The following HS6ST3 variants were observed in gnomAD, a reference collection of about 807,000 sequenced individuals.
The protein encoded by HS6ST3 is heparan-sulfate 6-O-sulfotransferase 3.
In HS6ST3, 12 loss-of-function variants were observed where a neutral mutation model predicts 36.7. The observed-to-expected ratio is 0.33, with a 90% CI of 0.21 to 0.53. HS6ST3 has a LOEUF of 0.53. Among genes scored for constraint, HS6ST3 ranks in the 20% least tolerant of loss-of-function variants. The probability of loss-of-function intolerance (pLI) is 0.95; values close to 1 mark genes in which losing one functional copy is unlikely to be tolerated. For synonymous variants in HS6ST3, 240 were observed against 257.5 expected, an observed-to-expected ratio of 0.93 and a Z score of 0.65; for missense variants, 584 against 640.9, an observed-to-expected ratio of 0.91 and a Z score of 0.96.
At chr13:96,452,401 C>T (rs1472559203) in intron 1 of HS6ST3, among the ~76,000 whole-genome samples, 2 of 152,072 alleles carry the variant, frequency 1.3e-5, no homozygotes, top group Non-Finnish European at 2.9e-5. Context: ...AAAAGATTGA[C>T]AAAAATCCAT....
rs749310541 is a variant in HS6ST3, at chr13:96,090,954, C to G, written c.92C>G (p.Thr31Ser). 6.9e-7 allele frequency: 1 copy of G among 1,458,638 alleles called. No homozygotes were observed. The highest frequency in any genetic ancestry group is 2.9e-5 in the East Asian group (1 of 35,082). The allele number at this position is 1,458,638 out of a possible 1,614,324, so 90.4% of individuals were successfully genotyped here. The change falls in exon 1 of 2, where the codon ACC becomes AGC. Residue 31 changes from threonine to serine, a missense_variant. By Grantham distance (58) the Thr-to-Ser change is moderately conservative. Transcript: ENST00000376705. ...IMYQYVSPSC[T>S]SSCTNFGEQP... is the part of the protein sequence containing the mutation. Reference sequence around the variant, plus strand: ...TACCAGTACGTGTCCCCCTCCTGCACCAGCTCCTGCACCAACTTCGGGGAG... The same window carrying G: ...TACCAGTACGTGTCCCCCTCCTGCAGCAGCTCCTGCACCAACTTCGGGGAG...
chr13:96,357,684 T>G (rs2055216752), intron 1 of HS6ST3, among the ~76,000 whole-genome samples: 1 of 152,078 alleles, frequency 6.6e-6, no homozygotes, highest in South Asian at 2.1e-4. Flanking sequence ...CACCTAGGCT[T>G]TCTGAGTAGC....
At chr13:96,341,733 T>C (rs1466473847) in intron 1 of HS6ST3, among the ~76,000 whole-genome samples, 1 of 152,132 alleles carries the variant, frequency 6.6e-6, no homozygotes, top group African/African-American at 2.4e-5. Context: ...AAAACATTTT[T>C]ATAACAAAAC....
intron 1 of HS6ST3, among the ~76,000 whole-genome samples, chr13:96,591,584 A>G (rs890107995): frequency 1.3e-5 from 2 of 152,136 alleles, no homozygotes; most frequent in Admixed American, 6.6e-5. Flanking sequence ...TATCAATTCT[A>G]TCAGTTTTTT....
At chr13:96,375,202 G>A (rs969301654) in intron 1 of HS6ST3, among the ~76,000 whole-genome samples, 1 of 151,924 alleles carries the variant, frequency 6.6e-6, no homozygotes, top group East Asian at 1.9e-4. Context: ...CACCACCCTC[G>A]TAAAGGGTGA....
intron 1 of HS6ST3, among the ~76,000 whole-genome samples, chr13:96,812,817 G>A (rs1878345465): frequency 6.6e-6 from 1 of 152,028 alleles, no homozygotes; most frequent in South Asian, 2.1e-4. Flanking sequence ...CTTTGGTGTT[G>A]GGCCTATCTT....
In HS6ST3 at chr13:96,228,266, A is replaced by G. The variant is rs144158958; in HGVS notation, c.707+136697A>G. On this transcript the variant is annotated intron_variant, in intron 1 of 1. Transcript: ENST00000376705. ...TATAATTTTCATGTGTAATGAATAT[A>G]TAGTTTTTCTGAGACAGAGTCTTCC... Among the ~76,000 whole-genome samples, 778 of 152,294 alleles carry G rather than the reference A, an allele frequency of 5.1e-3. 4 individuals carry two copies. Among genetic ancestry groups the G allele is most frequent in the Non-Finnish European group, 8.7e-3 (590 of 68,024 alleles).
chr13:96,244,099 T>C (rs2054573814), intron 1 of HS6ST3, among the ~76,000 whole-genome samples: 1 of 152,110 alleles, frequency 6.6e-6, no homozygotes. Flanking sequence ...AACTTTAGCA[T>C]AGGAGTTTAA....
At chr13:96,317,349 TATATATATATATATATATAA>T (rs1181075909) in intron 1 of HS6ST3, among the ~76,000 whole-genome samples, 5 of 79,146 alleles carry the variant, frequency 6.3e-5, no homozygotes, top group East Asian at 7.9e-4. Flanking sequence ...TATATATATA[TATATATATATATATATATAA>T]AATTATATAT....
At chr13:96,535,557 C>A (rs868596565) in intron 1 of HS6ST3, among the ~76,000 whole-genome samples, 863 of 124,808 alleles carry the variant, frequency 6.9e-3, no homozygotes, top group African/African-American at 7.8e-3. Context: ...GACTCTGTTT[C>A]AAAAAAAAAA....
chr13:96,216,628 T>G (rs187649211), intron 1 of HS6ST3, among the ~76,000 whole-genome samples: 2 of 152,280 alleles, frequency 1.3e-5, no homozygotes, highest in Admixed American at 1.3e-4. Flanking sequence ...CTAAGAATTG[T>G]GTCGTTGTGG....
chr13:96,139,890 A>G (rs1209713346), intron 1 of HS6ST3, among the ~76,000 whole-genome samples: 2 of 152,156 alleles, frequency 1.3e-5, no homozygotes, highest in Admixed American at 6.5e-5. Context: ...GCCTAAAACC[A>G]AGTATCCACA....
intron 1 of HS6ST3, among the ~76,000 whole-genome samples, chr13:96,538,093 T>C (rs2056163091): frequency 1.3e-5 from 2 of 152,228 alleles, no homozygotes; most frequent in African/African-American, 2.4e-5. Flanking sequence ...ATGCTTACAC[T>C]GTGTACTTCC....
intron 1 of HS6ST3, among the ~76,000 whole-genome samples, chr13:96,722,403 T>C (rs1046718945): frequency 2.6e-5 from 4 of 152,228 alleles, no homozygotes; most frequent in African/African-American, 9.6e-5. Context: ...CTGTCCTGTT[T>C]TTTATAAAGT....
chr13:96,171,685 C>A (rs2054188554), intron 1 of HS6ST3, among the ~76,000 whole-genome samples: 1 of 152,140 alleles, frequency 6.6e-6, no homozygotes. Flanking sequence ...TTCATTTCAA[C>A]AAATAAATTT....
intron 1 of HS6ST3, among the ~76,000 whole-genome samples, chr13:96,375,944 T>G (rs185360340): frequency 6.6e-6 from 1 of 152,252 alleles, no homozygotes; most frequent in Non-Finnish European, 1.5e-5. Context: ...TCCCTGGATT[T>G]ATTTACATTT....
intron 1 of HS6ST3, among the ~76,000 whole-genome samples, chr13:96,795,893 G>A (rs755474569): frequency 9.9e-5 from 15 of 152,102 alleles, no homozygotes; most frequent in Non-Finnish European, 1.5e-4. Context: ...AGATGAAGCC[G>A]AGTGGCCCAG....
At chr13:96,108,101 G>A (rs866379699) in intron 1 of HS6ST3, among the ~76,000 whole-genome samples, 3 of 152,132 alleles carry the variant, frequency 2.0e-5, no homozygotes, top group South Asian at 2.1e-4. Context: ...TGCCGAAAAC[G>A]GGTAAGAGAA....
At chr13:96,811,479 A>G (rs904182755) in intron 1 of HS6ST3, among the ~76,000 whole-genome samples, 1 of 152,234 alleles carries the variant, frequency 6.6e-6, no homozygotes, top group African/African-American at 2.4e-5. Flanking sequence ...AGAAAAGAAT[A>G]TCAAAGAAGA....
Sources: gnomAD v4.1 joint callset for allele counts (sites outside exome capture counted in the v4.1 genomes callset) on GRCh38, gnomAD v4.1.1 for gene constraint, MANE v1.5 for transcripts, NCBI Gene and HGNC (gene_info 2026-07-23, HGNC 2026-07-21) for gene names.